The following TRMT9B variants were observed in gnomAD, a reference collection of about 807,000 sequenced individuals.
The protein encoded by TRMT9B is tRNA methyltransferase 9B (putative).
Under a neutral mutation model 11.5 loss-of-function variants are expected in TRMT9B, and 16 were observed. That is an observed-to-expected ratio of 1.39 (90% CI 0.94 to 2.11). The LOEUF (loss-of-function observed/expected upper bound fraction) is 2.11, where lower values mean the gene tolerates loss of function less well. Ranked by LOEUF, TRMT9B falls within the 30% of genes most tolerant of loss-of-function variation. TRMT9B has a pLI of 0.00. For missense variants in TRMT9B, 941 were observed against 553.8 expected (o/e 1.70, Z -7.02); for synonymous variants, 274 against 192.4 (o/e 1.42, Z -3.51).
chr8:12,952,162 G>A (rs1161509085), intron 1 of TRMT9B: 2 of 454,596 alleles, frequency 4.4e-6, no homozygotes, highest in Non-Finnish European at 8.8e-6. Flanking sequence ...CTCGCAACGG[G>A]AGAGCTGCTG....
At chr8:12,949,144 T>C (rs1234316693) in intron 1 of TRMT9B, among the ~76,000 whole-genome samples, 1 of 152,212 alleles carries the variant, frequency 6.6e-6, no homozygotes, top group Non-Finnish European at 1.5e-5. Context: ...TGTATTGTTT[T>C]CTTTTTCTTT....
At chr8:12,947,734 G>T (rs1404017927) in intron 1 of TRMT9B, among the ~76,000 whole-genome samples, 3 of 152,236 alleles carry the variant, frequency 2.0e-5, no homozygotes, top group African/African-American at 7.2e-5. Flanking sequence ...TAACTTAAGA[G>T]ACTTCAGGTG....
chr8:12,947,232 G>C (rs1362857901), intron 1 of TRMT9B, among the ~76,000 whole-genome samples: 1 of 152,182 alleles, frequency 6.6e-6, no homozygotes, highest in African/African-American at 2.4e-5. Flanking sequence ...GTCTCCTAAA[G>C]ATCAGTCTGA....
chr8:13,028,137 T>C lies in TRMT9B; in HGVS notation c.*6093T>C, dbSNP rs931395655. 1.2e-5 allele frequency: 2 copies of C among 167,028 alleles called. No homozygotes were observed. Among genetic ancestry groups the C allele is most frequent in the African/African-American group, 4.8e-5 (2 of 41,442 alleles). 10.3% of individuals were successfully genotyped at this position (167,028 alleles called of 1,614,324 possible). A position where few individuals can be genotyped will look rare whatever the true frequency, so the allele number is the denominator to read the frequency against. ...ACGGTCTATGACACATTAACAGGGG[T>C]GTGAATCATTTCAGTTACATCACAT... On this transcript the variant is annotated 3_prime_UTR_variant, in exon 5 of 5. Transcript: ENST00000524591.
At chr8:12,951,217 T>C (rs1800576863) in intron 1 of TRMT9B, 1 of 152,126 alleles carries the variant, frequency 6.6e-6, no homozygotes, top group Admixed American at 6.5e-5. Context: ...GCATGTTGTG[T>C]AGTGGAATGA....
intron 1 of TRMT9B, among the ~76,000 whole-genome samples, chr8:12,974,238 C>T (rs920360486): frequency 2.0e-5 from 3 of 152,024 alleles, no homozygotes; most frequent in Non-Finnish European, 2.9e-5. Context: ...TCACCACCAC[C>T]GTGACCCTGT....
chr8:13,016,921 T>C (rs1429483142), intron 4 of TRMT9B, among the ~76,000 whole-genome samples: 1 of 150,398 alleles, frequency 6.6e-6, no homozygotes, highest in Non-Finnish European at 1.5e-5. Context: ...GGTCAGGAGT[T>C]TGAGACCAGC....
At chr8:12,989,813 C>G (rs369995514) in intron 1 of TRMT9B, among the ~76,000 whole-genome samples, 18 of 152,284 alleles carry the variant, frequency 1.2e-4, no homozygotes, top group African/African-American at 4.1e-4. Flanking sequence ...GCTTTGGTAG[C>G]TCTTTCAAAA....
chr8:12,975,079 G>C (rs1319199110), intron 1 of TRMT9B, among the ~76,000 whole-genome samples: 1 of 151,604 alleles, frequency 6.6e-6, no homozygotes, highest in Non-Finnish European at 1.5e-5. Flanking sequence ...GGGGAAAATC[G>C]ATGATTGAGA....
rs1041140423 is a variant in TRMT9B, at chr8:13,029,586, C to T, written c.*7542C>T. ...CATTCTGTACAGGACAAGCATTATT[C>T]AGTTCACATAGTCAGCTCTCACTAC... On this transcript the variant is annotated 3_prime_UTR_variant, in exon 5 of 5. Coordinates refer to ENST00000524591, the MANE Select transcript of TRMT9B (RefSeq NM_020844.3). The T allele has an allele frequency of 1.8e-5, 3 of 165,534 alleles. No individual in the cohort carries two copies. The highest frequency in any genetic ancestry group is 2.9e-5 in the Non-Finnish European group (2 of 68,112). The allele number at this position is 165,534 out of a possible 1,614,324, so 10.3% of individuals were successfully genotyped here.
chr8:13,002,817 A>T (rs900211502), intron 2 of TRMT9B, among the ~76,000 whole-genome samples: 3 of 152,134 alleles, frequency 2.0e-5, no homozygotes, highest in African/African-American at 7.2e-5. Flanking sequence ...GTCTTACCCA[A>T]GTACTTCCCA....
chr8:13,016,499 C>A (rs910144494), intron 4 of TRMT9B, among the ~76,000 whole-genome samples: 4 of 150,784 alleles, frequency 2.7e-5, no homozygotes, highest in African/African-American at 9.7e-5. Flanking sequence ...CTTATGTTGG[C>A]ACTTCCTGCT....
intron 1 of TRMT9B, among the ~76,000 whole-genome samples, chr8:12,948,925 A>G (rs1800401431): frequency 6.6e-6 from 1 of 152,214 alleles, no homozygotes; most frequent in African/African-American, 2.4e-5. Context: ...GCACCACTGC[A>G]CTCCAGCCTG....
Position 13,022,029 on chromosome 8 carries a change from GA to G in TRMT9B, c.1351del (p.Arg451GlufsTer16). On this transcript the variant is annotated frameshift_variant, in exon 5 of 5. Coordinates refer to ENST00000524591, the MANE Select transcript of TRMT9B (RefSeq NM_020844.3). LOFTEE classifies it high-confidence loss of function. ...GNWCIIAEKK[R>X]GCD ...ACTGGTGTATCATTGCAGAGAAAAA[GA>G]GAGGTTGTGATTGATTGGATCCTTT... 1 of 1,587,492 alleles carries G rather than the reference GA, an allele frequency of 6.3e-7. No individual in the cohort carries two copies. Among genetic ancestry groups the G allele is most frequent in the South Asian group, 1.2e-5 (1 of 85,654 alleles).
Position 13,023,529 on chromosome 8 carries a change from C to A in TRMT9B, c.*1485C>A, listed in dbSNP as rs553472. 1.0e-4 allele frequency: 17 copies of A among 167,196 alleles called. No homozygotes were observed. The highest frequency in any genetic ancestry group is 9.8e-4 in the Admixed American group (15 of 15,290). 10.4% of individuals were successfully genotyped at this position (167,196 alleles called of 1,614,324 possible). A position where few individuals can be genotyped will look rare whatever the true frequency, so the allele number is the denominator to read the frequency against. On this transcript the variant is annotated 3_prime_UTR_variant, in exon 5 of 5. Transcript: ENST00000524591. The stretch of plus-strand genomic sequence containing the variant: ...ACTGTTTAGATTTGCCCATGGGTCT[C>A]TTTAAATCTATGTCATGGATCCTGA...
intron 1 of TRMT9B, among the ~76,000 whole-genome samples, chr8:12,990,290 A>G (rs934805791): frequency 6.6e-6 from 1 of 152,202 alleles, no homozygotes; most frequent in Non-Finnish European, 1.5e-5. Flanking sequence ...TGTATATCAC[A>G]AGACCTCTAT....
At chr8:13,019,719 T>C (rs1449841238) in intron 4 of TRMT9B, among the ~76,000 whole-genome samples, 1 of 152,196 alleles carries the variant, frequency 6.6e-6, no homozygotes, top group South Asian at 2.1e-4. Context: ...TCTAGAAAGG[T>C]ATGCTTTCAA....
chr8:13,011,471 A>G, intron 3 of TRMT9B: 20 of 985,110 alleles, frequency 2.0e-5, no homozygotes, highest in Non-Finnish European at 2.4e-5. Context: ...TTCAGGTAGA[A>G]AAATTTCATC....
At chr8:13,010,541 T>C (rs547801629) in intron 3 of TRMT9B, 2 of 984,942 alleles carry the variant, frequency 2.0e-6, no homozygotes, top group African/African-American at 1.7e-5. Context: ...GATTTAAACA[T>C]GAAGGCCATT....
Sources: allele counts gnomAD v4.1 joint callset (sites outside exome capture counted in the v4.1 genomes callset), GRCh38; gene constraint gnomAD v4.1.1; transcripts MANE v1.5; gene names NCBI Gene and HGNC (gene_info 2026-07-23, HGNC 2026-07-21).